MGAT4C: variants seen among roughly 807,000 people sequenced by gnomAD.
MGAT4C encodes MGAT4 family member C, also known as alpha-1,3-mannosyl-glycoprotein 4-beta-N-acetylglucosaminyltransferase C.
Under a neutral mutation model 40.1 loss-of-function variants are expected in MGAT4C, and 19 were observed. The ratio of observed to expected loss-of-function variants is 0.47; its 90% CI spans 0.33 to 0.70. The LOEUF (loss-of-function observed/expected upper bound fraction) is 0.70, where lower values mean the gene tolerates loss of function less well. MGAT4C is among the 30% of genes least tolerant of loss of function. MGAT4C has a pLI of 0.02. For missense variants in MGAT4C, 491 were observed against 563.2 expected (o/e 0.87, Z 1.30); for synonymous variants, 181 against 187.1 (o/e 0.97, Z 0.27).
intron 1 of MGAT4C, among the ~76,000 whole-genome samples, chr12:86,133,503 A>G (rs1329400891): frequency 6.6e-6 from 1 of 152,204 alleles, no homozygotes; most frequent in African/African-American, 2.4e-5. Context: ...AAAGATGGAC[A>G]GCTTATCTTT....
chr12:86,317,656 A>G lies in MGAT4C; in HGVS notation c.-57+16409T>C, dbSNP rs929230650. Among the ~76,000 whole-genome samples the G allele has an allele frequency of 2.0e-5, 3 of 152,036 alleles. No homozygotes were observed. The East Asian group carries it at 5.8e-4, about 29-fold the overall frequency. ...ACCTCTACTCTTTTGAGAAGTTAGG[A>G]TATTTAGTCTGAGAAGTTTGAGTGT... On this transcript the variant is annotated intron_variant, in intron 4 of 7. Coordinates refer to the MGAT4C transcript ENST00000548651.
At chr12:86,362,134 C>T (rs944239288) in intron 3 of MGAT4C, among the ~76,000 whole-genome samples, 2 of 152,206 alleles carry the variant, frequency 1.3e-5, no homozygotes, top group Admixed American at 6.5e-5. Flanking sequence ...AGCACATATA[C>T]ACCATGGAAT....
chr12:85,994,652 A>C lies in MGAT4C; in HGVS notation c.-6-5100T>G, dbSNP rs374898184. Among the ~76,000 whole-genome samples, 13 of 152,214 alleles carry C rather than the reference A, an allele frequency of 8.5e-5. No homozygotes were observed. In the South Asian group the frequency reaches 2.1e-3, roughly 24 times the overall value. On this transcript the variant is annotated intron_variant, in intron 2 of 4. Coordinates refer to ENST00000611864, the MANE Select transcript of MGAT4C (RefSeq NM_001351288.2). ...GCCAAAAAACAAACAAAAAACAAAA[A>C]ACAAAAAAACACTCGGACACCCAAA...
intron 3 of MGAT4C, among the ~76,000 whole-genome samples, chr12:86,335,804 C>A (rs1954774287): frequency 6.6e-6 from 1 of 152,054 alleles, no homozygotes; most frequent in Admixed American, 6.6e-5. Context: ...CATTAAGGCA[C>A]CAAAATGTCT....
chr12:86,126,151 A>G (rs1880219183), intron 1 of MGAT4C, among the ~76,000 whole-genome samples: 1 of 152,018 alleles, frequency 6.6e-6, no homozygotes, highest in Non-Finnish European at 1.5e-5. Context: ...TTGTTTAAAA[A>G]TTAACTTCAA....
chr12:86,570,460 C>G (rs1214882872), intron 2 of MGAT4C, among the ~76,000 whole-genome samples: 1 of 151,748 alleles, frequency 6.6e-6, no homozygotes, highest in Non-Finnish European at 1.5e-5. Flanking sequence ...GAACATGGAC[C>G]CCGACTCCTC....
chr12:86,443,690 T>G (rs1365736870), intron 2 of MGAT4C, among the ~76,000 whole-genome samples: 1 of 152,102 alleles, frequency 6.6e-6, no homozygotes, highest in Non-Finnish European at 1.5e-5. Flanking sequence ...TCCTCTTGGG[T>G]TCACACCATT....
At chr12:86,686,011 T>C (rs903572361) in intron 2 of MGAT4C, among the ~76,000 whole-genome samples, 2 of 150,256 alleles carry the variant, frequency 1.3e-5, no homozygotes, top group Admixed American at 1.3e-4. Flanking sequence ...TACAGGCACC[T>C]GCCACCATGC....
At chr12:86,704,958 A>T (rs1950428728) in intron 2 of MGAT4C, among the ~76,000 whole-genome samples, 1 of 152,018 alleles carries the variant, frequency 6.6e-6, no homozygotes, top group Non-Finnish European at 1.5e-5. Flanking sequence ...CACCTTTTCA[A>T]ATTATAAAGA....
intron 1 of MGAT4C, among the ~76,000 whole-genome samples, chr12:86,205,840 G>T (rs1950229267): frequency 6.6e-6 from 1 of 151,650 alleles, no homozygotes; most frequent in Non-Finnish European, 1.5e-5. Flanking sequence ...CCCTACAATG[G>T]TACTTTGTGA....
In MGAT4C at chr12:86,000,922, C is replaced by T. The variant is rs79809691; in HGVS notation, c.-6-11370G>A. Among the ~76,000 whole-genome samples, 1,120 of 152,246 alleles carry T rather than the reference C, an allele frequency of 7.4e-3. 9 individuals carry two copies. Among genetic ancestry groups the T allele is most frequent in the Non-Finnish European group, 0.011 (757 of 68,002 alleles). ...ATATCCTTCTTGTAAGCTGTGGTTT[C>T]ATATTTCTAGTATATTTCTAACAGG... On this transcript the variant is annotated intron_variant, in intron 2 of 4. Coordinates refer to ENST00000611864, the MANE Select transcript of MGAT4C (RefSeq NM_001351288.2).
At chr12:86,834,820 A>C (rs1439969479) in intron 1 of MGAT4C, among the ~76,000 whole-genome samples, 1 of 151,962 alleles carries the variant, frequency 6.6e-6, no homozygotes, top group East Asian at 1.9e-4. Context: ...CTGGGTTGGC[A>C]CTGTCAACAG....
chr12:86,401,027 A>G (rs1015401158), intron 3 of MGAT4C, among the ~76,000 whole-genome samples: 2 of 152,100 alleles, frequency 1.3e-5, no homozygotes, highest in Admixed American at 1.3e-4. Flanking sequence ...ACTAAAGAAA[A>G]ATTGAATACC....
chr12:86,266,891 T>C (rs1421404439), intron 4 of MGAT4C, among the ~76,000 whole-genome samples: 1 of 152,130 alleles, frequency 6.6e-6, no homozygotes, highest in Non-Finnish European at 1.5e-5. Flanking sequence ...TCCAGGAATT[T>C]ATCTATTTCC....
In MGAT4C at chr12:86,353,846, C is replaced by G. The variant is rs146922904; in HGVS notation, c.-119-19719G>C. Reference sequence around the variant, plus strand: ...TCTTACTGCTTTGCCCCAAGTTGAACAGAATTGTAGATGTGCACGAGCGTA... The same window carrying G: ...TCTTACTGCTTTGCCCCAAGTTGAAGAGAATTGTAGATGTGCACGAGCGTA... On this transcript the variant is annotated intron_variant, in intron 3 of 7. Transcript: ENST00000548651. 1.5e-3 allele frequency among the ~76,000 whole-genome samples: 234 copies of G among 152,216 alleles called. 1 individual carries two copies. The highest frequency in any genetic ancestry group is 5.5e-3 in the African/African-American group (229 of 41,532).
intron 2 of MGAT4C, among the ~76,000 whole-genome samples, chr12:86,567,021 T>C (rs1960158640): frequency 6.6e-6 from 1 of 152,124 alleles, no homozygotes; most frequent in African/African-American, 2.4e-5. Flanking sequence ...GCTGGATTAA[T>C]ACAAGAGTGG....
At chr12:86,686,971 T>TTAG (rs1565925606) in intron 2 of MGAT4C, among the ~76,000 whole-genome samples, 1 of 152,016 alleles carries the variant, frequency 6.6e-6, no homozygotes, top group Non-Finnish European at 1.5e-5. Flanking sequence ...TCCTGGGCTT[T>TTAG]TTGTTGTTGT....
rs146654083 is a variant in MGAT4C at position 86,162,415 on chromosome 12, T to C, written c.-57+93824A>G. ...GGAAGAGAAATCCAAATACCACATATCCTTACTTACGAGTGGGAGCTAAAC... is the reference window on the plus strand; with the variant it reads ...GGAAGAGAAATCCAAATACCACATACCCTTACTTACGAGTGGGAGCTAAAC... On this transcript the variant is annotated intron_variant, in intron 1 of 4. Transcript: ENST00000611864. Among the ~76,000 whole-genome samples the C allele has an allele frequency of 5.2e-3, 796 of 152,124 alleles. 7 individuals carry two copies. The highest frequency in any genetic ancestry group is 0.018 in the African/African-American group (758 of 41,508).
chr12:86,364,493 C>A (rs914563527), intron 3 of MGAT4C, among the ~76,000 whole-genome samples: 3 of 152,038 alleles, frequency 2.0e-5, no homozygotes, highest in African/African-American at 7.2e-5. Flanking sequence ...ATATAGGGAT[C>A]CATTTTAATT....
Sources: allele counts gnomAD v4.1 joint callset (sites outside exome capture counted in the v4.1 genomes callset), GRCh38; gene constraint gnomAD v4.1.1; transcripts MANE v1.5; gene names NCBI Gene and HGNC (gene_info 2026-07-23, HGNC 2026-07-21).